Variants in KCNH8 observed in about 807,000 individuals in gnomAD.
The protein encoded by KCNH8 is voltage-gated delayed rectifier potassium channel KCNH8.
KCNH8 carries 70 observed loss-of-function variants against 103.6 expected under a neutral mutation model. That is an observed-to-expected ratio of 0.68 (90% confidence interval 0.56 to 0.82). The LOEUF (loss-of-function observed/expected upper bound fraction) is 0.82. Among genes scored for constraint, KCNH8 ranks in the 40% least tolerant of loss-of-function variants. KCNH8 has a pLI of 0.00. For synonymous variants in KCNH8, 498 were observed against 489.4 expected (o/e 1.02, Z -0.23); for missense variants, 1,217 against 1,329.9 (o/e 0.92, Z 1.32).
At chr3:19,476,733 G>C (rs1416931887) in intron 11 of KCNH8, among the ~76,000 whole-genome samples, 2 of 152,124 alleles carry the variant, frequency 1.3e-5, no homozygotes, top group African/African-American at 2.4e-5. Context: ...TCACATAATA[G>C]TGTGTATTTT....
At chr3:19,293,574 C>A (rs2064958772) in intron 3 of KCNH8, among the ~76,000 whole-genome samples, 1 of 152,166 alleles carries the variant, frequency 6.6e-6, no homozygotes, top group Admixed American at 6.6e-5. Context: ...GTTTGAGAAG[C>A]CCTGTGACAT....
At chr3:19,518,105 AT>A in intron 15 of KCNH8, 31 bp downstream of exon 15, 2 of 1,529,496 alleles carry the variant, frequency 1.3e-6, no homozygotes, top group Non-Finnish European at 1.8e-6. Flanking sequence ...TCATGCCTAA[AT>A]GGTAAGAGGA....
intron 1 of KCNH8, among the ~76,000 whole-genome samples, chr3:19,250,733 T>C (rs1246516722): frequency 6.6e-6 from 1 of 152,234 alleles, no homozygotes. Context: ...GTACCTATTA[T>C]TTGTGGACCA....
intron 1 of KCNH8, 123 bp downstream of exon 1, chr3:19,148,918 A>G (rs566167965): frequency 1.0e-5 from 9 of 883,886 alleles, no homozygotes; most frequent in African/African-American, 1.6e-5. Context: ...GTTCTTGCCA[A>G]GGTATCTTTT....
chr3:19,435,494 A>T (rs143038105), intron 7 of KCNH8, among the ~76,000 whole-genome samples: 151 of 152,328 alleles, frequency 9.9e-4, no homozygotes, highest in Non-Finnish European at 1.7e-3. Context: ...GGTAGCACTT[A>T]ATAAAATGTT....
intron 2 of KCNH8, among the ~76,000 whole-genome samples, chr3:19,264,509 G>T (rs2125261282): frequency 6.6e-6 from 1 of 152,194 alleles, no homozygotes; most frequent in African/African-American, 2.4e-5. Context: ...CCCACGCTCT[G>T]CAGCCAGAAT....
At chr3:19,287,145 A>C (rs2064843554) in intron 3 of KCNH8, among the ~76,000 whole-genome samples, 1 of 152,134 alleles carries the variant, frequency 6.6e-6, no homozygotes, top group Non-Finnish European at 1.5e-5. Context: ...CTTTAGGAAT[A>C]CTAAAGAAAA....
intron 3 of KCNH8, among the ~76,000 whole-genome samples, chr3:19,287,844 G>A (rs1258090136): frequency 1.3e-5 from 2 of 151,682 alleles, no homozygotes; most frequent in Non-Finnish European, 2.9e-5. Context: ...TCGGCCTCCT[G>A]AAGTGTTAGG....
intron 1 of KCNH8, among the ~76,000 whole-genome samples, chr3:19,170,958 T>C (rs1185426119): frequency 2.6e-5 from 4 of 151,654 alleles, no homozygotes; most frequent in Non-Finnish European, 5.9e-5. Flanking sequence ...ACTACAGGCA[T>C]CCGCCACTGC....
chr3:19,454,144 CTGTG>C (rs372400109), intron 10 of KCNH8, among the ~76,000 whole-genome samples: 22,984 of 131,226 alleles, frequency 0.18, 1,917 homozygotes, highest in Middle Eastern at 0.25. Flanking sequence ...AGTAAGGCTT[CTGTG>C]TGTGTGTGTG....
At chr3:19,336,354 A>G (rs2065585113) in intron 3 of KCNH8, among the ~76,000 whole-genome samples, 1 of 151,920 alleles carries the variant, frequency 6.6e-6, no homozygotes, top group East Asian at 1.9e-4. Context: ...ATAGAGTTTG[A>G]GCCATTATAT....
intron 3 of KCNH8, among the ~76,000 whole-genome samples, chr3:19,300,396 G>A (rs556176636): frequency 3.0e-4 from 45 of 152,260 alleles, no homozygotes; most frequent in Admixed American, 2.7e-3. Flanking sequence ...GATAAATACC[G>A]AAACAAGACA....
At chr3:19,532,322 C>T (rs989802777) in intron 15 of KCNH8, among the ~76,000 whole-genome samples, 5 of 152,136 alleles carry the variant, frequency 3.3e-5, no homozygotes, top group South Asian at 2.1e-4. Context: ...TTCACTGATG[C>T]GTTCCAGGAC....
intron 2 of KCNH8, among the ~76,000 whole-genome samples, chr3:19,269,339 C>T (rs2064556395): frequency 6.6e-6 from 1 of 151,978 alleles, no homozygotes; most frequent in African/African-American, 2.4e-5. Flanking sequence ...TTTGAAACAT[C>T]ATGTTCCACT....
chr3:19,260,287 CAA>C (rs1221485650), intron 2 of KCNH8, among the ~76,000 whole-genome samples: 1 of 150,778 alleles, frequency 6.6e-6, no homozygotes, highest in Non-Finnish European at 1.5e-5. Context: ...TATGTTCATG[CAA>C]GTGTACACAT....
At chr3:19,430,186 G>C (rs985564761) in intron 7 of KCNH8, among the ~76,000 whole-genome samples, 3 of 152,092 alleles carry the variant, frequency 2.0e-5, no homozygotes, top group Non-Finnish European at 4.4e-5. Flanking sequence ...TGTGTATATG[G>C]CTAGTCTGTT....
chr3:19,215,745 A>G (rs1419256504), intron 1 of KCNH8, among the ~76,000 whole-genome samples: 1 of 152,234 alleles, frequency 6.6e-6, no homozygotes, highest in Non-Finnish European at 1.5e-5. Context: ...CAAACCAATA[A>G]ATGAAAGACT....
At chr3:19,467,692 T>A (rs1439724398) in intron 11 of KCNH8, among the ~76,000 whole-genome samples, 1 of 152,196 alleles carries the variant, frequency 6.6e-6, no homozygotes, top group Non-Finnish European at 1.5e-5. Context: ...TGCCTCCACT[T>A]GTATCCTCTT....
At chr3:19,293,114 A>G (rs1213421410) in intron 3 of KCNH8, among the ~76,000 whole-genome samples, 1 of 152,190 alleles carries the variant, frequency 6.6e-6, no homozygotes, top group Non-Finnish European at 1.5e-5. Flanking sequence ...TGCCAGACAT[A>G]TTATCCCAGG....
Sources: allele counts gnomAD v4.1 joint callset (sites outside exome capture counted in the v4.1 genomes callset), GRCh38; gene constraint gnomAD v4.1.1; transcripts MANE v1.5; gene names NCBI Gene and HGNC (gene_info 2026-07-23, HGNC 2026-07-21).